The following GPC6 variants were observed in gnomAD, a reference collection of about 807,000 sequenced individuals.
The protein encoded by GPC6 is glypican-6.
A neutral mutation model predicts 55.2 loss-of-function variants in GPC6; 14 were observed. The observed-to-expected ratio is 0.25, with a 90% CI of 0.17 to 0.40. The LOEUF (loss-of-function observed/expected upper bound fraction) is 0.40, where lower values mean the gene tolerates loss of function less well. Among genes scored for constraint, GPC6 ranks in the 10% least tolerant of loss-of-function variants. GPC6 has a pLI of 1.00. For synonymous variants in GPC6, 278 were observed against 259.6 expected (o/e 1.07, Z -0.68); for missense variants, 641 against 708.5 (o/e 0.90, Z 1.08).
At chr13:93,729,600 G>C (rs1054260665) in intron 2 of GPC6, among the ~76,000 whole-genome samples, 3 of 152,128 alleles carry the variant, frequency 2.0e-5, no homozygotes, top group Non-Finnish European at 4.4e-5. Flanking sequence ...AGGAGCAACC[G>C]GAATTCTCAA....
intron 4 of GPC6, among the ~76,000 whole-genome samples, chr13:94,095,898 A>G (rs377085237): frequency 6.6e-5 from 10 of 152,242 alleles, no homozygotes; most frequent in African/African-American, 1.7e-4. Flanking sequence ...TATATACACT[A>G]TTTTACTCTC....
chr13:93,870,265 G>T (rs151333595), intron 3 of GPC6, among the ~76,000 whole-genome samples: 2 of 151,896 alleles, frequency 1.3e-5, no homozygotes, highest in African/African-American at 4.8e-5. Flanking sequence ...TTAGCAAGTG[G>T]TGTGGCTCAT....
chr13:93,985,753 C>G (rs1881001644), intron 3 of GPC6, among the ~76,000 whole-genome samples: 1 of 151,164 alleles, frequency 6.6e-6, no homozygotes, highest in Non-Finnish European at 1.5e-5. Flanking sequence ...AATGCACTTC[C>G]CAGAAACTGC....
At chr13:93,476,732 T>G (rs1372619044) in intron 1 of GPC6, among the ~76,000 whole-genome samples, 8 of 152,208 alleles carry the variant, frequency 5.3e-5, no homozygotes, top group African/African-American at 4.8e-5. Flanking sequence ...CTTAGAACTA[T>G]TTATCCAATA....
At chr13:93,563,756 AAAG>A (rs1450708518) in intron 2 of GPC6, among the ~76,000 whole-genome samples, 11 of 150,588 alleles carry the variant, frequency 7.3e-5, no homozygotes, top group African/African-American at 2.7e-4. Flanking sequence ...TCTGAGAATG[AAAG>A]AAAAAAAAAA....
At chr13:93,893,996 G>C (rs1341506876) in intron 3 of GPC6, among the ~76,000 whole-genome samples, 1 of 152,182 alleles carries the variant, frequency 6.6e-6, no homozygotes, top group South Asian at 2.1e-4. Flanking sequence ...TAGACAGGAA[G>C]ACAAACTCCA....
intron 2 of GPC6, among the ~76,000 whole-genome samples, chr13:93,801,474 G>A (rs141905867): frequency 0.01 from 1,545 of 152,092 alleles, 29 homozygotes; most frequent in African/African-American, 0.035. Context: ...AGACACTGTC[G>A]AAATGTCTGA....
chr13:93,429,077 A>G (rs1325478220), intron 1 of GPC6, among the ~76,000 whole-genome samples: 1 of 152,068 alleles, frequency 6.6e-6, no homozygotes, highest in Non-Finnish European at 1.5e-5. Context: ...AGTGGAATTG[A>G]TTGCATTCTC....
intron 2 of GPC6, among the ~76,000 whole-genome samples, chr13:93,765,426 G>C (rs936213863): frequency 6.6e-6 from 1 of 151,784 alleles, no homozygotes; most frequent in African/African-American, 2.4e-5. Flanking sequence ...ACTAAGGAAG[G>C]TTTAAGGGAT....
At chr13:93,723,219 GT>G (rs1447840217) in intron 2 of GPC6, among the ~76,000 whole-genome samples, 2 of 151,884 alleles carry the variant, frequency 1.3e-5, no homozygotes, top group African/African-American at 4.8e-5. Flanking sequence ...ATTGCTACAG[GT>G]TTTACTGATG....
intron 2 of GPC6, among the ~76,000 whole-genome samples, chr13:93,656,732 G>T (rs546545780): frequency 4.6e-5 from 7 of 152,076 alleles, no homozygotes; most frequent in Non-Finnish European, 8.8e-5. Context: ...CATTTTTTGT[G>T]ATTTAATTTA....
chr13:93,564,014 C>CT (rs1430343955), intron 2 of GPC6, among the ~76,000 whole-genome samples: 21 of 152,062 alleles, frequency 1.4e-4, no homozygotes, highest in African/African-American at 4.8e-4. Flanking sequence ...AATGAGTAGT[C>CT]TTTTTTAATA....
chr13:93,463,466 G>A (rs1017828379), intron 1 of GPC6, among the ~76,000 whole-genome samples: 3 of 152,280 alleles, frequency 2.0e-5, no homozygotes, highest in African/African-American at 4.8e-5. Flanking sequence ...ACCGTTCTTA[G>A]TGTGATTCAA....
chr13:93,659,244 C>A (rs988043561), intron 2 of GPC6, among the ~76,000 whole-genome samples: 1 of 151,668 alleles, frequency 6.6e-6, no homozygotes, highest in Non-Finnish European at 1.5e-5. Flanking sequence ...TGGATTAGTT[C>A]CCTAAGGGTA....
intron 1 of GPC6, among the ~76,000 whole-genome samples, chr13:93,537,817 G>A (rs1882120148): frequency 6.6e-6 from 1 of 152,108 alleles, no homozygotes; most frequent in Non-Finnish European, 1.5e-5. Context: ...TAGTTAGTAA[G>A]TGGTAAGGTC....
chr13:93,762,688 T>C (rs1454927906), intron 2 of GPC6, among the ~76,000 whole-genome samples: 1 of 152,196 alleles, frequency 6.6e-6, no homozygotes, highest in African/African-American at 2.4e-5. Flanking sequence ...AAAAATATTA[T>C]GCAAATTAAA....
At chr13:94,036,949 C>A (rs1009068909) in intron 4 of GPC6, among the ~76,000 whole-genome samples, 1 of 151,948 alleles carries the variant, frequency 6.6e-6, no homozygotes, top group African/African-American at 2.4e-5. Context: ...AAATTCAGTG[C>A]CTCTAGTTAT....
intron 4 of GPC6, among the ~76,000 whole-genome samples, chr13:94,238,038 A>T (rs1890933711): frequency 6.6e-6 from 1 of 152,140 alleles, no homozygotes; most frequent in African/African-American, 2.4e-5. Flanking sequence ...TGGAAGATGG[A>T]TTTCCTGTGA....
rs549716228 is a variant in GPC6, at chr13:93,935,215, A to G, written c.712-92514A>G. 5.9e-4 allele frequency among the ~76,000 whole-genome samples: 90 copies of G among 152,266 alleles called. 1 individual carries two copies. The highest frequency in any genetic ancestry group is 2.0e-3 in the African/African-American group (83 of 41,570). ...AACTTCAAGAGTACCCATCACCCCA[A>G]TATAGAACATTGTACCCAAAAGATA... is the stretch of plus-strand genomic sequence containing the variant. On this transcript the variant is annotated intron_variant, in intron 3 of 8. Coordinates refer to ENST00000377047, the MANE Select transcript of GPC6 (RefSeq NM_005708.5).
Sources: allele counts gnomAD v4.1 joint callset (sites outside exome capture counted in the v4.1 genomes callset), GRCh38; gene constraint gnomAD v4.1.1; transcripts MANE v1.5; gene names NCBI Gene and HGNC (gene_info 2026-07-23, HGNC 2026-07-21).